The following MGAT4C variants were observed in gnomAD, a reference collection of about 807,000 sequenced individuals.
MGAT4C encodes MGAT4 family member C.
In MGAT4C, 19 loss-of-function variants were observed where a neutral mutation model predicts 40.1. The ratio of observed to expected loss-of-function variants is 0.47; its 90% CI spans 0.33 to 0.70. The LOEUF is 0.70. Ranked by LOEUF, MGAT4C falls within the 30% of genes least tolerant of loss-of-function variation. The pLI is 0.02. For missense variants in MGAT4C, 491 were observed against 563.2 expected, an observed-to-expected ratio of 0.87 and a Z score of 1.30; for synonymous variants, 181 against 187.1, an observed-to-expected ratio of 0.97 and a Z score of 0.27.
intron 2 of MGAT4C, among the ~76,000 whole-genome samples, chr12:86,717,070 A>G (rs574815603): frequency 1.3e-5 from 2 of 152,222 alleles, no homozygotes; most frequent in South Asian, 4.1e-4. Flanking sequence ...TCAGAATGGG[A>G]AAAAATAATC....
At chr12:86,240,987 A>G (rs1853873203) in intron 1 of MGAT4C, among the ~76,000 whole-genome samples, 1 of 152,106 alleles carries the variant, frequency 6.6e-6, no homozygotes, top group Non-Finnish European at 1.5e-5. Flanking sequence ...TTTGAAGAAT[A>G]CAATCTCCCC....
intron 4 of MGAT4C, among the ~76,000 whole-genome samples, chr12:86,311,113 T>C (rs1954062744): frequency 6.6e-6 from 1 of 152,156 alleles, no homozygotes; most frequent in Non-Finnish European, 1.5e-5. Flanking sequence ...CACGTAACAA[T>C]AGTGGTGTGT....
chr12:86,269,413 A>C (rs2136105986), intron 4 of MGAT4C, among the ~76,000 whole-genome samples: 1 of 151,488 alleles, frequency 6.6e-6, no homozygotes, highest in East Asian at 2.0e-4. Flanking sequence ...CCTTAATTCT[A>C]TTAACATTTC....
chr12:85,987,261 C>T (rs372072955), intron 3 of MGAT4C, among the ~76,000 whole-genome samples: 12 of 147,970 alleles, frequency 8.1e-5, no homozygotes, highest in African/African-American at 2.7e-4. Context: ...CTCAGCCTCC[C>T]AAGTAGCTGG....
chr12:86,366,518 T>C (rs1407551744), intron 3 of MGAT4C, among the ~76,000 whole-genome samples: 3 of 152,050 alleles, frequency 2.0e-5, no homozygotes, highest in African/African-American at 7.2e-5. Flanking sequence ...GAGCTAAACA[T>C]TGGGTACTCA....
intron 2 of MGAT4C, among the ~76,000 whole-genome samples, chr12:86,576,365 G>A (rs1241773554): frequency 6.6e-6 from 1 of 151,648 alleles, no homozygotes; most frequent in Non-Finnish European, 1.5e-5. Flanking sequence ...GTTTGCTTTG[G>A]TTTTCTTGTG....
At chr12:86,739,857 AAC>A (rs751754678) in intron 1 of MGAT4C, among the ~76,000 whole-genome samples, 382 of 149,080 alleles carry the variant, frequency 2.6e-3, no homozygotes, top group African/African-American at 7.6e-3. Context: ...TATGCACACA[AAC>A]ACACACACAC....
At chr12:86,784,633 A>G (rs553796956) in intron 1 of MGAT4C, among the ~76,000 whole-genome samples, 2 of 152,098 alleles carry the variant, frequency 1.3e-5, no homozygotes, top group African/African-American at 4.8e-5. Flanking sequence ...ACTTTCATTA[A>G]ATGAATTAAT....
chr12:85,979,865 CCAAT>C lies in MGAT4C; in HGVS notation c.857_860del (p.Asp286GlyfsTer3). ...ACAGACCACGGAAATGAGTCAATAG[CCAAT>C]CACAAGGCATTTCTTGATAAAACAT... On this transcript the variant is annotated frameshift_variant, in exon 5 of 5. Transcript: ENST00000611864. LOFTEE classifies it high-confidence loss of function. 6.2e-7 allele frequency: 1 copy of C among 1,613,634 alleles called. No individual in the cohort carries two copies. Among genetic ancestry groups the C allele is most frequent in the Non-Finnish European group, 8.5e-7 (1 of 1,179,764 alleles).
intron 4 of MGAT4C, among the ~76,000 whole-genome samples, chr12:86,290,404 A>G (rs767319432): frequency 6.6e-6 from 1 of 152,106 alleles, no homozygotes; most frequent in Non-Finnish European, 1.5e-5. Context: ...TCCCAATTCA[A>G]ATTTGCATGA....
In MGAT4C at chr12:85,969,976, C is replaced by A. The variant is rs575769684; in HGVS notation, c.*9313G>T. 1 of 151,288 alleles carries A rather than the reference C, an allele frequency of 6.6e-6. No homozygotes were observed. Among genetic ancestry groups the A allele is most frequent in the Non-Finnish European group, 1.5e-5 (1 of 67,452 alleles). The allele number at this position is 151,288 out of a possible 1,614,324, so 9.4% of individuals were successfully genotyped here. A position where few individuals can be genotyped will look rare whatever the true frequency, so the allele number is the denominator to read the frequency against. ...TTTATGTAGTAAGCATTGTTCTTGGCTGAGCTTACATTAAGTGATCTGTAA... is the reference window on the plus strand; with the variant it reads ...TTTATGTAGTAAGCATTGTTCTTGGATGAGCTTACATTAAGTGATCTGTAA... On this transcript the variant is annotated 3_prime_UTR_variant, in exon 5 of 5. Transcript: ENST00000611864.
intron 2 of MGAT4C, among the ~76,000 whole-genome samples, chr12:86,698,962 G>C (rs1018243603): frequency 6.6e-6 from 1 of 151,990 alleles, no homozygotes; most frequent in Non-Finnish European, 1.5e-5. Flanking sequence ...ATAGTTAATG[G>C]GCAAGATAGC....
rs145047242 is a variant in MGAT4C, at chr12:86,183,855, C to A, written c.-57+72384G>T. 3.9e-3 allele frequency among the ~76,000 whole-genome samples: 588 copies of A among 152,318 alleles called. 1 individual carries two copies. Among genetic ancestry groups the A allele is most frequent in the Admixed American group, 6.3e-3 (96 of 15,298 alleles). On this transcript the variant is annotated intron_variant, in intron 1 of 4. Transcript: ENST00000611864. ...TATGACCTCATTCAAACCTAATTAT[C>A]TGCTAAGAGCTTTGTCTTCTAATAA...
At chr12:86,168,853 T>A (rs540937041) in intron 1 of MGAT4C, among the ~76,000 whole-genome samples, 2 of 152,254 alleles carry the variant, frequency 1.3e-5, no homozygotes, top group East Asian at 3.9e-4. Flanking sequence ...GAGTCTTTTC[T>A]TTTGCTGTAG....
intron 1 of MGAT4C, among the ~76,000 whole-genome samples, chr12:86,078,688 T>C (rs759760319): frequency 6.6e-6 from 1 of 152,136 alleles, no homozygotes; most frequent in African/African-American, 2.4e-5. Flanking sequence ...TGAGTGGAAG[T>C]CCGTGTTGCT....
intron 2 of MGAT4C, among the ~76,000 whole-genome samples, chr12:86,447,534 T>C (rs1957360367): frequency 6.6e-6 from 1 of 152,154 alleles, no homozygotes; most frequent in Non-Finnish European, 1.5e-5. Flanking sequence ...TCTTTACCCT[T>C]CATGAGTACC....
chr12:86,022,851 G>A (rs1356268857), intron 2 of MGAT4C, among the ~76,000 whole-genome samples: 1 of 152,088 alleles, frequency 6.6e-6, no homozygotes, highest in African/African-American at 2.4e-5. Context: ...ATAAAATAGG[G>A]AAATAAGAGA....
chr12:86,643,817 A>G (rs762152649), intron 2 of MGAT4C, among the ~76,000 whole-genome samples: 7 of 151,676 alleles, frequency 4.6e-5, no homozygotes, highest in Non-Finnish European at 7.4e-5. Flanking sequence ...TTAAAAGGTG[A>G]ATTTGTTGTT....
At chr12:86,658,250 G>T (rs1963896105) in intron 2 of MGAT4C, among the ~76,000 whole-genome samples, 1 of 152,118 alleles carries the variant, frequency 6.6e-6, no homozygotes, top group East Asian at 1.9e-4. Flanking sequence ...ATTTTATAAA[G>T]CAATCAATTG....
Sources: gnomAD v4.1 joint callset for allele counts (sites outside exome capture counted in the v4.1 genomes callset) on GRCh38, gnomAD v4.1.1 for gene constraint, MANE v1.5 for transcripts, NCBI Gene and HGNC (gene_info 2026-07-23, HGNC 2026-07-21) for gene names.